Variants in MTHFD2L observed in about 807,000 individuals in gnomAD.
MTHFD2L encodes the protein methylenetetrahydrofolate dehydrogenase (NADP+ dependent) 2 like.
In MTHFD2L, 29 loss-of-function variants were observed where a neutral mutation model predicts 34.9. The observed-to-expected ratio is 0.83, with a 90% confidence interval of 0.62 to 1.13. MTHFD2L has a LOEUF of 1.13. Ranked by LOEUF, MTHFD2L falls within the 50% of genes most tolerant of loss-of-function variation. MTHFD2L has a pLI of 0.00. For missense variants in MTHFD2L, 481 were observed against 446.5 expected, an observed-to-expected ratio of 1.08 and a Z score of -0.70; for synonymous variants, 167 against 155.7, an observed-to-expected ratio of 1.07 and a Z score of -0.54.
intron 7 of MTHFD2L, among the ~76,000 whole-genome samples, chr4:74,282,106 C>A (rs771432571): frequency 1.3e-5 from 2 of 151,918 alleles, no homozygotes; most frequent in South Asian, 2.1e-4. Context: ...TACAAGGCAA[C>A]AAATATGTAG....
At chr4:74,135,548 T>G (rs1722845295) in intron 1 of MTHFD2L, among the ~76,000 whole-genome samples, 1 of 152,130 alleles carries the variant, frequency 6.6e-6, no homozygotes, top group Non-Finnish European at 1.5e-5. Context: ...GCCTGATAAC[T>G]TCACTGCTAA....
intron 1 of MTHFD2L, among the ~76,000 whole-genome samples, chr4:74,165,784 A>G (rs537699011): frequency 6.6e-6 from 1 of 152,314 alleles, no homozygotes; most frequent in Admixed American, 6.5e-5. Context: ...CACCACATAA[A>G]CTGCTAAATG....
chr4:74,243,851 A>T (rs1022191438), intron 6 of MTHFD2L, among the ~76,000 whole-genome samples: 5 of 152,132 alleles, frequency 3.3e-5, no homozygotes, highest in Admixed American at 2.0e-4. Context: ...TTGTACACAG[A>T]CCTCACCTAT....
chr4:74,141,086 G>C (rs1347354200), intron 1 of MTHFD2L, among the ~76,000 whole-genome samples: 5 of 152,130 alleles, frequency 3.3e-5, no homozygotes. Flanking sequence ...ACTTAGTGTA[G>C]CTTGTTTTTG....
chr4:74,197,157 A>C (rs1052807611), intron 3 of MTHFD2L, among the ~76,000 whole-genome samples: 2 of 152,128 alleles, frequency 1.3e-5, no homozygotes, highest in Non-Finnish European at 2.9e-5. Flanking sequence ...TTTATCATTC[A>C]TTTGGGTAAG....
chr4:74,194,241 G>T (rs939048544), intron 3 of MTHFD2L: 1 of 152,180 alleles, frequency 6.6e-6, no homozygotes, highest in Admixed American at 6.5e-5. Flanking sequence ...TCCTTTCCTG[G>T]ATATATCGCT....
chr4:74,218,617 C>A (rs977091996), intron 5 of MTHFD2L, among the ~76,000 whole-genome samples: 10 of 145,754 alleles, frequency 6.9e-5, no homozygotes, highest in African/African-American at 2.2e-4. Context: ...ATTTCAAGCC[C>A]CCCCCCCACC....
intron 1 of MTHFD2L, among the ~76,000 whole-genome samples, chr4:74,130,412 G>A (rs1415652388): frequency 1.3e-5 from 2 of 152,142 alleles, no homozygotes; most frequent in African/African-American, 2.4e-5. Flanking sequence ...CTTCATTCCT[G>A]AGATGCAAGG....
At chr4:74,218,983 A>G (rs1247877407) in intron 5 of MTHFD2L, among the ~76,000 whole-genome samples, 1 of 152,060 alleles carries the variant, frequency 6.6e-6, no homozygotes, top group Non-Finnish European at 1.5e-5. Flanking sequence ...AATAACAACA[A>G]AAATAATATA....
rs1017216576 is a variant in MTHFD2L at position 74,281,649 on chromosome 4, C to G, written c.931+99C>G. 1.9e-4 allele frequency: 231 copies of G among 1,195,748 alleles called. 2 individuals carry two copies. In the South Asian group the frequency reaches 3.6e-3, roughly 19 times the overall value. 74.1% of individuals were successfully genotyped at this position (1,195,748 alleles called of 1,614,324 possible). On this transcript the variant is annotated intron_variant, in intron 7 of 7. Coordinates refer to ENST00000325278, the MANE Select transcript of MTHFD2L (RefSeq NM_001144978.3). ...GTTTCATTTATGGAGGAATTATTAA[C>G]TTATTAATCATCACCTCTTTCTTCT...
At chr4:74,241,566 G>A (rs1441696445) in intron 6 of MTHFD2L, 1 of 448,784 alleles carries the variant, frequency 2.2e-6, no homozygotes, top group Non-Finnish European at 4.5e-6. Context: ...ATTTTTTGTA[G>A]AGAGATTTCA....
intron 1 of MTHFD2L, among the ~76,000 whole-genome samples, chr4:74,128,645 G>A (rs1032731137): frequency 6.6e-6 from 1 of 152,112 alleles, no homozygotes; most frequent in Non-Finnish European, 1.5e-5. Context: ...AAGTTGGATA[G>A]TGTGATGCTT....
At chr4:74,287,372 T>G (rs1381703696) in intron 7 of MTHFD2L, among the ~76,000 whole-genome samples, 1 of 152,200 alleles carries the variant, frequency 6.6e-6, no homozygotes, top group Non-Finnish European at 1.5e-5. Context: ...CTTAGGTTGT[T>G]TCCATTTTTT....
intron 3 of MTHFD2L, among the ~76,000 whole-genome samples, chr4:74,184,378 T>A (rs1730752035): frequency 6.6e-6 from 1 of 152,180 alleles, no homozygotes. Flanking sequence ...GGAAGAGCTA[T>A]TTAATATGAA....
chr4:74,219,851 C>T (rs1322937059), intron 5 of MTHFD2L, among the ~76,000 whole-genome samples: 2 of 152,082 alleles, frequency 1.3e-5, no homozygotes, highest in African/African-American at 4.8e-5. Context: ...CGGACATCAA[C>T]AACCAAACTG....
intron 1 of MTHFD2L, among the ~76,000 whole-genome samples, chr4:74,173,865 A>G (rs985128982): frequency 5.3e-5 from 8 of 152,178 alleles, no homozygotes; most frequent in African/African-American, 1.9e-4. Flanking sequence ...ATGTGTATAT[A>G]ATATATATGT....
At chr4:74,139,170 C>G (rs1192126651) in intron 1 of MTHFD2L, among the ~76,000 whole-genome samples, 1 of 152,138 alleles carries the variant, frequency 6.6e-6, no homozygotes, top group Non-Finnish European at 1.5e-5. Flanking sequence ...GTCACTGTCT[C>G]TTATTTGGCA....
At position 74,138,055 on chromosome 4, in the gene MTHFD2L, T is replaced by TTA. The variant is rs375143419; in HGVS notation, c.-297+12553_-297+12554dup. On this transcript the variant is annotated intron_variant, in intron 1 of 7. Coordinates refer to the MTHFD2L transcript ENST00000433372. ...CAATGGTAAATTTTATACATAAATT[T>TTA]TATATATATATATATACACATACAC... 2.0e-3 allele frequency among the ~76,000 whole-genome samples: 296 copies of TTA among 149,660 alleles called. 2 individuals carry two copies. The highest frequency in any genetic ancestry group is 4.0e-3 in the African/African-American group (164 of 40,952).
At chr4:74,160,712 A>AT (rs368430950) in intron 1 of MTHFD2L, 19 of 152,434 alleles carry the variant, frequency 1.2e-4, no homozygotes, top group African/African-American at 4.6e-4. Flanking sequence ...AATTTTTCCC[A>AT]TTTTGTTGTG....
Sources: gnomAD v4.1 joint callset for allele counts (sites outside exome capture counted in the v4.1 genomes callset) on GRCh38, gnomAD v4.1.1 for gene constraint, MANE v1.5 for transcripts, NCBI Gene and HGNC (gene_info 2026-07-23, HGNC 2026-07-21) for gene names.